PPARGC1A: variants seen among roughly 807,000 people sequenced by gnomAD.
PPARGC1A encodes the protein peroxisome proliferator-activated receptor gamma coactivator 1-alpha.
Under a neutral mutation model 88.7 loss-of-function variants are expected in PPARGC1A, and 25 were observed. The ratio of observed to expected loss-of-function variants is 0.28; its 90% CI spans 0.21 to 0.39. The LOEUF is 0.39. Among genes scored for constraint, PPARGC1A ranks in the 10% least tolerant of loss-of-function variants. The pLI is 1.00. For synonymous variants in PPARGC1A, 363 were observed against 355.6 expected, an observed-to-expected ratio of 1.02 and a Z score of -0.24; for missense variants, 880 against 968.7, an observed-to-expected ratio of 0.91 and a Z score of 1.22.
chr4:24,413,719 A>G, the PPARGC1A span, among the ~76,000 whole-genome samples: 1 of 151,684 alleles, frequency 6.6e-6, no homozygotes, highest in Non-Finnish European at 1.5e-5. Flanking sequence ...AGGAGAGGAG[A>G]AAGATCTCTT....
At chr4:23,919,338 T>C in the PPARGC1A span, among the ~76,000 whole-genome samples, 5 of 152,024 alleles carry the variant, frequency 3.3e-5, no homozygotes. Context: ...CTTCACATAC[T>C]TACCACATGC....
intron 2 of PPARGC1A, among the ~76,000 whole-genome samples, chr4:23,874,116 T>TTC (rs2148787362): frequency 6.6e-6 from 1 of 152,344 alleles, no homozygotes; most frequent in Admixed American, 6.5e-5. Flanking sequence ...AGCCAGAATA[T>TTC]GACTCTATTT....
chr4:24,291,366 C>T, the PPARGC1A span, among the ~76,000 whole-genome samples: 4 of 152,126 alleles, frequency 2.6e-5, no homozygotes, highest in African/African-American at 7.2e-5. Flanking sequence ...AGCCATTCTA[C>T]GTAAATACAT....
At chr4:24,121,407 C>T in the PPARGC1A span, among the ~76,000 whole-genome samples, 1 of 152,184 alleles carries the variant, frequency 6.6e-6, no homozygotes, top group Non-Finnish European at 1.5e-5. Context: ...TTTCTTTGCT[C>T]CTCCTCCTCA....
chr4:24,141,019 G>T, the PPARGC1A span, among the ~76,000 whole-genome samples: 2 of 152,188 alleles, frequency 1.3e-5, no homozygotes, highest in African/African-American at 2.4e-5. Context: ...ACTAACAGAA[G>T]TTAGGAAACT....
chr4:24,001,443 T>A, the PPARGC1A span, among the ~76,000 whole-genome samples: 1 of 152,118 alleles, frequency 6.6e-6, no homozygotes, highest in Non-Finnish European at 1.5e-5. Context: ...GATTTTTTTT[T>A]CTCCTGGTAA....
At chr4:24,305,457 G>A in the PPARGC1A span, among the ~76,000 whole-genome samples, 10 of 152,200 alleles carry the variant, frequency 6.6e-5, no homozygotes, top group Admixed American at 3.9e-4. Flanking sequence ...GTTGCAAAGT[G>A]TTAGTCAGAA....
At chr4:23,894,394 G>A (rs1355266596), upstream of PPARGC1A, among the ~76,000 whole-genome samples, 1 of 151,524 alleles carries the variant, frequency 6.6e-6, no homozygotes, top group Non-Finnish European at 1.5e-5. Context: ...ACAAAAGTTG[G>A]TAGCAGGATA....
chr4:24,131,704 A>T, the PPARGC1A span, among the ~76,000 whole-genome samples: 1 of 152,358 alleles, frequency 6.6e-6, no homozygotes, highest in South Asian at 2.1e-4. Flanking sequence ...AATATAAACA[A>T]AAATGTGAGG....
the PPARGC1A span, among the ~76,000 whole-genome samples, chr4:24,387,838 A>AAGAAAGAAAGAG: frequency 4.1e-5 from 3 of 72,518 alleles, no homozygotes; most frequent in Non-Finnish European, 1.0e-4. Context: ...GAAAGAGAGA[A>AAGAAAGAAAGAG]AGAGAGAGAG....
intron 2 of PPARGC1A, 78 bp from the exon 3 acceptor site, chr4:23,831,829 A>G (rs1434625390): frequency 1.7e-6 from 2 of 1,163,068 alleles, no homozygotes; most frequent in Non-Finnish European, 2.5e-6. Flanking sequence ...ATGTTTGACC[A>G]AATGAGTGAA....
chr4:24,387,928 AAGAAAG>A, the PPARGC1A span, among the ~76,000 whole-genome samples: 31,760 of 79,568 alleles, frequency 0.4, 5,217 homozygotes, highest in Non-Finnish European at 0.43. Flanking sequence ...GAAAGAAAGA[AAGAAAG>A]AGAAAGAAAG....
the PPARGC1A span, among the ~76,000 whole-genome samples, chr4:24,400,086 G>A: frequency 6.6e-5 from 10 of 152,270 alleles, no homozygotes; most frequent in South Asian, 1.7e-3. Flanking sequence ...ACACCTGGGG[G>A]AGGAATCTCT....
At chr4:24,432,244 TA>T in the PPARGC1A span, among the ~76,000 whole-genome samples, 1 of 152,184 alleles carries the variant, frequency 6.6e-6, no homozygotes, top group Non-Finnish European at 1.5e-5. Flanking sequence ...ACGTTGACCT[TA>T]ATAAGCTTTG....
chr4:23,866,979 G>A (rs1269217938), intron 2 of PPARGC1A, among the ~76,000 whole-genome samples: 1 of 152,168 alleles, frequency 6.6e-6, no homozygotes, highest in Non-Finnish European at 1.5e-5. Flanking sequence ...ATTTTCAAAT[G>A]TTATTAAGAA....
the PPARGC1A span, among the ~76,000 whole-genome samples, chr4:24,044,276 T>C: frequency 6.6e-6 from 1 of 152,192 alleles, no homozygotes; most frequent in East Asian, 1.9e-4. Context: ...CGCCACTTTG[T>C]CATCCTGGTC....
chr4:24,052,702 A>G, the PPARGC1A span, among the ~76,000 whole-genome samples: 2 of 149,494 alleles, frequency 1.3e-5, no homozygotes, highest in African/African-American at 4.9e-5. Flanking sequence ...TTTTATTTTC[A>G]TTTGCTCCTA....
chr4:23,926,698 ACT>A, the PPARGC1A span, among the ~76,000 whole-genome samples: 10 of 151,624 alleles, frequency 6.6e-5, no homozygotes, highest in African/African-American at 2.4e-4. Context: ...TCCTTATCTA[ACT>A]CTCTTCATTC....
intron 2 of PPARGC1A, among the ~76,000 whole-genome samples, chr4:23,877,399 G>A (rs1402006316): frequency 1.5e-4 from 22 of 146,774 alleles, no homozygotes; most frequent in African/African-American, 4.3e-4. Flanking sequence ...TTAGTTGGGC[G>A]TTGTAGCAGT....
Sources: gnomAD v4.1 joint callset for allele counts (sites outside exome capture counted in the v4.1 genomes callset) on GRCh38, gnomAD v4.1.1 for gene constraint, MANE v1.5 for transcripts, NCBI Gene and HGNC (gene_info 2026-07-23, HGNC 2026-07-21) for gene names.